YEATS4: variants seen among roughly 807,000 people sequenced by gnomAD.
The protein encoded by YEATS4 is YEATS domain-containing protein 4.
YEATS4 carries 17 observed loss-of-function variants against 30.1 expected under a neutral mutation model. The observed-to-expected ratio is 0.56, with a 90% CI of 0.39 to 0.85. YEATS4 has a LOEUF of 0.85. YEATS4 is among the 40% of genes least tolerant of loss of function. The probability of loss-of-function intolerance (pLI) is 0.00; values close to 1 mark genes in which losing one functional copy is unlikely to be tolerated. For missense variants in YEATS4, 142 were observed against 268.3 expected, an observed-to-expected ratio of 0.53 and a Z score of 3.29; for synonymous variants, 85 against 87.5, an observed-to-expected ratio of 0.97 and a Z score of 0.16.
the YEATS4 span, among the ~76,000 whole-genome samples, chr12:69,402,681 C>T: frequency 1.3e-5 from 2 of 151,426 alleles, no homozygotes; most frequent in African/African-American, 4.8e-5. Context: ...TGCCATGTAT[C>T]ACAAAATATT....
the YEATS4 span, among the ~76,000 whole-genome samples, chr12:69,403,885 T>A: frequency 6.6e-6 from 1 of 152,198 alleles, no homozygotes; most frequent in Non-Finnish European, 1.5e-5. Flanking sequence ...CCACTTTCTT[T>A]TACTTGAAAA....
At chr12:69,398,836 A>G in the YEATS4 span, among the ~76,000 whole-genome samples, 1 of 149,050 alleles carries the variant, frequency 6.7e-6, no homozygotes, top group Non-Finnish European at 1.5e-5. Context: ...AAAACGGCAA[A>G]TTGATCTTCA....
the YEATS4 span, among the ~76,000 whole-genome samples, chr12:69,409,973 C>T: frequency 6.6e-6 from 1 of 152,178 alleles, no homozygotes; most frequent in Non-Finnish European, 1.5e-5. Flanking sequence ...ATCCTTCCCT[C>T]CCAGCCCTCA....
chr12:69,375,585 C>G (rs1488610130), intron 6 of YEATS4, among the ~76,000 whole-genome samples: 1 of 152,170 alleles, frequency 6.6e-6, no homozygotes, highest in African/African-American at 2.4e-5. Context: ...GAGCAGAGAT[C>G]ACGCCACTGC....
the YEATS4 span, among the ~76,000 whole-genome samples, chr12:69,416,655 G>T: frequency 3.3e-5 from 5 of 152,210 alleles, no homozygotes; most frequent in Non-Finnish European, 5.9e-5. Context: ...GCTTCACAGG[G>T]TCGGGGTTTG....
chr12:69,401,651 A>G, the YEATS4 span, among the ~76,000 whole-genome samples: 1 of 152,212 alleles, frequency 6.6e-6, no homozygotes, highest in Admixed American at 6.5e-5. Flanking sequence ...GTTGAACCTA[A>G]AAAGACCTCC....
At chr12:69,423,838 T>G in the YEATS4 span, among the ~76,000 whole-genome samples, 9 of 152,206 alleles carry the variant, frequency 5.9e-5, no homozygotes, top group African/African-American at 2.2e-4. Context: ...ACTCTTAATC[T>G]CTTTATCCAC....
chr12:69,361,279 G>GT (rs201819448), intron 1 of YEATS4: 5,792 of 146,814 alleles, frequency 0.039, 360 homozygotes, highest in African/African-American at 0.14. Flanking sequence ...GTTTTGTTTT[G>GT]TTTTTTTTTG....
the YEATS4 span, among the ~76,000 whole-genome samples, chr12:69,404,392 C>T: frequency 6.6e-6 from 1 of 152,212 alleles, no homozygotes; most frequent in Non-Finnish European, 1.5e-5. Flanking sequence ...CCTTTGGGAG[C>T]AGAGCCCTCA....
the YEATS4 span, among the ~76,000 whole-genome samples, chr12:69,400,647 A>C: frequency 2.0e-5 from 3 of 151,992 alleles, no homozygotes; most frequent in African/African-American, 7.3e-5. Context: ...CAGGAGTTTG[A>C]GAACAGCCTA....
At chr12:69,421,743 A>C in the YEATS4 span, among the ~76,000 whole-genome samples, 4 of 152,230 alleles carry the variant, frequency 2.6e-5, no homozygotes, top group Non-Finnish European at 5.9e-5. Flanking sequence ...TGGTGACCAC[A>C]TGCCCCACCC....
At chr12:69,423,862 G>A in the YEATS4 span, among the ~76,000 whole-genome samples, 12 of 152,134 alleles carry the variant, frequency 7.9e-5, no homozygotes, top group African/African-American at 2.9e-4. Flanking sequence ...TTAATCTAGG[G>A]TGGGGACATG....
chr12:69,395,569 A>G (rs1319264212), downstream of YEATS4, among the ~76,000 whole-genome samples: 1 of 145,768 alleles, frequency 6.9e-6, no homozygotes, highest in Non-Finnish European at 1.5e-5. Flanking sequence ...TTAGGGACTA[A>G]CTATCTTCAT....
the YEATS4 span, among the ~76,000 whole-genome samples, chr12:69,409,146 C>A: frequency 6.6e-6 from 1 of 152,128 alleles, no homozygotes; most frequent in South Asian, 2.1e-4. Flanking sequence ...ATCGTGGCTC[C>A]GTTGCACACT....
At chr12:69,362,224 G>T (rs977662692) in intron 1 of YEATS4, among the ~76,000 whole-genome samples, 1 of 152,022 alleles carries the variant, frequency 6.6e-6, no homozygotes, top group Non-Finnish European at 1.5e-5. Context: ...CACCATCTTG[G>T]CCAGGCTGGT....
At chr12:69,365,145 G>GT (rs1875378089) in intron 2 of YEATS4, among the ~76,000 whole-genome samples, 1 of 151,390 alleles carries the variant, frequency 6.6e-6, no homozygotes, top group African/African-American at 2.4e-5. Context: ...CTTCCTTTTT[G>GT]TTTTTTTAAA....
chr12:69,362,334 G>C (rs576238075), intron 1 of YEATS4, among the ~76,000 whole-genome samples: 5 of 137,072 alleles, frequency 3.6e-5, no homozygotes, highest in African/African-American at 1.0e-4. Context: ...GATTAAACAC[G>C]TAAGTAAAAA....
chr12:69,414,140 A>G, the YEATS4 span, among the ~76,000 whole-genome samples: 1 of 152,262 alleles, frequency 6.6e-6, no homozygotes, highest in Non-Finnish European at 1.5e-5. Flanking sequence ...TACTAATTGC[A>G]TATTTGATAC....
chr12:69,361,628 TCAG>T (rs1875213698), intron 1 of YEATS4, among the ~76,000 whole-genome samples: 1 of 116,832 alleles, frequency 8.6e-6, no homozygotes, highest in Non-Finnish European at 2.2e-5. Context: ...TTACATTCAC[TCAG>T]CACTTTTCAC....
Sources: gnomAD v4.1 joint callset for allele counts (sites outside exome capture counted in the v4.1 genomes callset) on GRCh38, gnomAD v4.1.1 for gene constraint, MANE v1.5 for transcripts, NCBI Gene and HGNC (gene_info 2026-07-23, HGNC 2026-07-21) for gene names.